Variants in PAK3 observed in about 807,000 individuals in gnomAD.
PAK3 encodes serine/threonine-protein kinase PAK 3.
In PAK3, 4 loss-of-function variants were observed where a neutral mutation model predicts 41.0. The ratio of observed to expected loss-of-function variants is 0.10; its 90% CI spans 0.05 to 0.22. PAK3 has a LOEUF of 0.22. Ranked by LOEUF, PAK3 falls within the 10% of genes least tolerant of loss-of-function variation. The pLI is 1.00. For missense variants in PAK3, 205 were observed against 409.9 expected (o/e 0.50, Z 4.32); for synonymous variants, 146 against 139.6 (o/e 1.05, Z -0.32).
At chrX:110,976,235 T>A (rs1161499484) in intron 1 of PAK3, among the ~76,000 whole-genome samples, 1 of 112,085 alleles carries the variant, frequency 8.9e-6, no homozygotes, top group Non-Finnish European at 1.9e-5. Context: ...ATATCCAGAA[T>A]CTGCAAAGAA....
intron 1 of PAK3, among the ~76,000 whole-genome samples, chrX:111,075,804 G>T (rs2092779877): frequency 8.9e-6 from 1 of 112,714 alleles, no homozygotes; most frequent in Non-Finnish European, 1.9e-5. Flanking sequence ...ACCCATCAGA[G>T]CAGCTACATA....
At chrX:110,995,717 C>A (rs953713913) in intron 1 of PAK3, among the ~76,000 whole-genome samples, 1 of 111,173 alleles carries the variant, frequency 9.0e-6, no homozygotes, top group Non-Finnish European at 1.9e-5. Context: ...CCTAGAAGAC[C>A]CTGAATAATC....
rs948778783 is a variant in PAK3, at chrX:111,141,168, T to C, written c.176-928T>C. Among the ~76,000 whole-genome samples the C allele has an allele frequency of 7.2e-5, 8 of 111,529 alleles. No homozygotes were observed. The Admixed American group carries it at 7.6e-4, about 11-fold the overall frequency. ...GTGTTATGGAAGCGACTAGATGCCA[T>C]TTTAGAGTGTTTCCACAGTGACTTC... On this transcript the variant is annotated intron_variant, in intron 5 of 17. Transcript: ENST00000372007.
chrX:111,173,952 A>G (rs1014352212), intron 11 of PAK3, among the ~76,000 whole-genome samples: 1 of 111,533 alleles, frequency 9.0e-6, no homozygotes, highest in Non-Finnish European at 1.9e-5. Context: ...ACACATATTC[A>G]GGGACACCAA....
chrX:111,010,803 C>G (rs1036100940), intron 1 of PAK3, among the ~76,000 whole-genome samples: 1 of 111,822 alleles, frequency 8.9e-6, no homozygotes, highest in Admixed American at 9.5e-5. Flanking sequence ...AATGACCAAG[C>G]CTTAGGCATT....
chrX:111,088,683 C>A (rs1210068424), intron 1 of PAK3, among the ~76,000 whole-genome samples: 1 of 111,822 alleles, frequency 8.9e-6, no homozygotes, highest in African/African-American at 3.3e-5. Flanking sequence ...CCCACAAACT[C>A]AAATTTATTG....
At chrX:111,040,246 A>G (rs2092440988) in intron 1 of PAK3, among the ~76,000 whole-genome samples, 1 of 110,880 alleles carries the variant, frequency 9.0e-6, no homozygotes, top group Non-Finnish European at 1.9e-5. Flanking sequence ...CCTTCTCTAA[A>G]TTACAGATAC....
At chrX:110,982,478 C>T (rs2091465223) in intron 1 of PAK3, among the ~76,000 whole-genome samples, 1 of 112,155 alleles carries the variant, frequency 8.9e-6, no homozygotes, top group Non-Finnish European at 1.9e-5. Context: ...CTTAGCTCAT[C>T]GCCTGGAACA....
At chrX:110,977,196 T>C (rs2091355163) in intron 1 of PAK3, among the ~76,000 whole-genome samples, 1 of 110,343 alleles carries the variant, frequency 9.1e-6, no homozygotes, top group Admixed American at 9.8e-5. Context: ...TTTGTTTGAA[T>C]CATCTTGAGA....
At position 111,194,312 on chromosome X, in the gene PAK3, G is replaced by T. The variant is rs1249190198; in HGVS notation, c.1004G>T (p.Gly335Val). ...IVNYLDSYLV[G>V]DELWVVMEYL... Reference sequence around the variant, plus strand: ...TTTTCTTGTTATAGCTACTTGGTGGGTGATGAACTATGGGTAGTCATGGAA... The same window carrying T: ...TTTTCTTGTTATAGCTACTTGGTGGTTGATGAACTATGGGTAGTCATGGAA... Residue 335 changes from glycine (G) to valine (V), a missense_variant, in exon 14 of 18, where the codon GGT becomes GTT. Transcript: ENST00000372007. 8.6e-7 allele frequency: 1 copy of T among 1,156,368 alleles called. No individual in the cohort carries two copies. Among genetic ancestry groups the T allele is most frequent in the Non-Finnish European group, 1.2e-6 (1 of 845,375 alleles).
intron 1 of PAK3, among the ~76,000 whole-genome samples, chrX:111,015,797 T>TTTG (rs952166012): frequency 4.5e-5 from 5 of 111,993 alleles, no homozygotes; most frequent in South Asian, 3.7e-4. Context: ...AATCAGGTTA[T>TTTG]TTGTTGTTGT....
At chrX:110,961,981 GTTC>G (rs1569497087) in intron 1 of PAK3, among the ~76,000 whole-genome samples, 1 of 112,158 alleles carries the variant, frequency 8.9e-6, no homozygotes, top group African/African-American at 3.2e-5. Context: ...AGCTTCTTGA[GTTC>G]TTCTTCCTTG....
chrX:111,026,476 T>C (rs1410614475), intron 1 of PAK3, among the ~76,000 whole-genome samples: 1 of 111,712 alleles, frequency 9.0e-6, no homozygotes, highest in Non-Finnish European at 1.9e-5. Flanking sequence ...ACAAAATTAA[T>C]GTACACAAAT....
At chrX:111,029,464 T>C (rs755943209) in intron 1 of PAK3, among the ~76,000 whole-genome samples, 1 of 112,153 alleles carries the variant, frequency 8.9e-6, no homozygotes, top group East Asian at 2.8e-4. Flanking sequence ...GTGTATTTTG[T>C]ATGTTATATG....
At chrX:111,214,224 C>G (rs1009934464) in intron 16 of PAK3, among the ~76,000 whole-genome samples, 1 of 111,919 alleles carries the variant, frequency 8.9e-6, no homozygotes, top group Admixed American at 9.5e-5. Context: ...GTGGCTCTTA[C>G]CTTTGGTGTA....
chrX:111,138,217 G>A (rs1025921768), intron 5 of PAK3, among the ~76,000 whole-genome samples: 1 of 110,638 alleles, frequency 9.0e-6, no homozygotes, highest in Non-Finnish European at 1.9e-5. Flanking sequence ...TATAAAACAA[G>A]AACAAGACCT....
At chrX:111,186,934 G>T (rs1374576062) in intron 11 of PAK3, among the ~76,000 whole-genome samples, 2 of 111,587 alleles carry the variant, frequency 1.8e-5, no homozygotes, top group Admixed American at 9.5e-5. Flanking sequence ...AACATGGTTG[G>T]CATGAAGATT....
chrX:111,111,154 C>A (rs2093364587), intron 4 of PAK3, among the ~76,000 whole-genome samples: 1 of 112,093 alleles, frequency 8.9e-6, no homozygotes, highest in Non-Finnish European at 1.9e-5. Context: ...TGAACAGTTT[C>A]ATAATGCCAA....
chrX:111,098,678 A>T (rs1447984535), intron 3 of PAK3: 2 of 109,913 alleles, frequency 1.8e-5, no homozygotes, highest in Non-Finnish European at 3.8e-5. Context: ...GGTGCCTCAA[A>T]GGGAAGTGGA....
Sources: allele counts gnomAD v4.1 joint callset (sites outside exome capture counted in the v4.1 genomes callset), GRCh38; gene constraint gnomAD v4.1.1; transcripts MANE v1.5; gene names NCBI Gene and HGNC (gene_info 2026-07-23, HGNC 2026-07-21).